The following MOB3B variants were observed in gnomAD, a reference collection of about 807,000 sequenced individuals.
MOB3B encodes MOB kinase activator-like 2B.
In MOB3B, 7 loss-of-function variants were observed where a neutral mutation model predicts 18.7. The observed-to-expected ratio is 0.37, with a 90% CI of 0.21 to 0.70. The LOEUF (loss-of-function observed/expected upper bound fraction) is 0.70. MOB3B is among the 30% of genes least tolerant of loss of function. MOB3B has a pLI of 0.52. For missense variants in MOB3B, 253 were observed against 281.3 expected, an observed-to-expected ratio of 0.90 and a Z score of 0.72; for synonymous variants, 111 against 99.9, an observed-to-expected ratio of 1.11 and a Z score of -0.66.
At chr9:27,352,961 C>G (rs1269926711) in intron 3 of MOB3B, among the ~76,000 whole-genome samples, 1 of 152,184 alleles carries the variant, frequency 6.6e-6, no homozygotes, top group Non-Finnish European at 1.5e-5. Flanking sequence ...CATTTGACCA[C>G]AGAAGGAAGT....
intron 1 of MOB3B, among the ~76,000 whole-genome samples, chr9:27,480,921 T>A (rs963551172): frequency 6.6e-6 from 1 of 151,990 alleles, no homozygotes; most frequent in African/African-American, 2.4e-5. Context: ...TATAAAAGAA[T>A]AAAAGAAACG....
chr9:27,461,161 A>C (rs114480068), intron 1 of MOB3B, among the ~76,000 whole-genome samples: 1,711 of 152,336 alleles, frequency 0.011, 27 homozygotes, highest in African/African-American at 0.039. Flanking sequence ...TTATAGCTGG[A>C]ATAGTCCTTG....
intron 2 of MOB3B, among the ~76,000 whole-genome samples, chr9:27,364,311 A>G (rs1821314156): frequency 6.6e-6 from 1 of 152,206 alleles, no homozygotes; most frequent in Non-Finnish European, 1.5e-5. Context: ...ATGAGTACAT[A>G]AGACACGATA....
chr9:27,332,830 T>C (rs1820807749), intron 3 of MOB3B, among the ~76,000 whole-genome samples: 1 of 152,260 alleles, frequency 6.6e-6, no homozygotes, highest in Admixed American at 6.5e-5. Flanking sequence ...GTCTACGGTT[T>C]AAACTCAGGT....
chr9:27,417,900 T>C (rs1822179042), intron 2 of MOB3B, among the ~76,000 whole-genome samples: 1 of 151,788 alleles, frequency 6.6e-6, no homozygotes, highest in Non-Finnish European at 1.5e-5. Flanking sequence ...TAGTACAACT[T>C]GGTGTACACT....
intron 2 of MOB3B, among the ~76,000 whole-genome samples, chr9:27,410,075 GGTAA>G (rs1822041426): frequency 6.6e-6 from 1 of 152,068 alleles, no homozygotes; most frequent in South Asian, 2.1e-4. Context: ...TGGTGAAAAT[GGTAA>G]GTTTTATGTT....
intron 1 of MOB3B, among the ~76,000 whole-genome samples, chr9:27,511,948 T>C (rs1820152860): frequency 6.6e-6 from 1 of 152,204 alleles, no homozygotes; most frequent in Non-Finnish European, 1.5e-5. Flanking sequence ...TCCCTCGCAC[T>C]TAGCTGTGGC....
At chr9:27,447,778 T>C (rs1822716772) in intron 2 of MOB3B, among the ~76,000 whole-genome samples, 2 of 152,126 alleles carry the variant, frequency 1.3e-5, no homozygotes, top group African/African-American at 4.8e-5. Flanking sequence ...GTTCACAAGG[T>C]TGTGGTGGGG....
intron 1 of MOB3B, among the ~76,000 whole-genome samples, chr9:27,486,982 T>A (rs144863371): frequency 1.9e-4 from 29 of 151,902 alleles, no homozygotes; most frequent in African/African-American, 7.0e-4. Flanking sequence ...AATACAAAAA[T>A]TAGCTGGGTG....
chr9:27,366,612 G>A lies in MOB3B; in HGVS notation c.419-7376C>T, dbSNP rs922705680. Among the ~76,000 whole-genome samples, 8 of 152,212 alleles carry A rather than the reference G, an allele frequency of 5.3e-5. No individual in the cohort carries two copies. The South Asian group carries it at 6.2e-4, about 12-fold the overall frequency. ...GTCCAGGAGACTGGGGGGTGGGGAT[G>A]TGTGTTCTGAGCTGGCTGTTAATCA... On this transcript the variant is annotated intron_variant, in intron 2 of 3. Coordinates refer to ENST00000262244, the MANE Select transcript of MOB3B (RefSeq NM_024761.5).
chr9:27,360,130 C>A (rs557336575), intron 2 of MOB3B, among the ~76,000 whole-genome samples: 25 of 152,274 alleles, frequency 1.6e-4, no homozygotes, highest in African/African-American at 6.0e-4. Context: ...CCTCCTACAG[C>A]GCCTAGAACA....
At chr9:27,356,108 A>G (rs903051603) in intron 3 of MOB3B, among the ~76,000 whole-genome samples, 2 of 152,218 alleles carry the variant, frequency 1.3e-5, no homozygotes, top group African/African-American at 4.8e-5. Flanking sequence ...CATTCTTAAT[A>G]TCTATTTCTG....
intron 2 of MOB3B, among the ~76,000 whole-genome samples, chr9:27,438,063 G>A (rs540775665): frequency 6.6e-6 from 1 of 152,288 alleles, no homozygotes; most frequent in Admixed American, 6.5e-5. Context: ...ACACCACGAA[G>A]ACATTGTGGT....
intron 1 of MOB3B, among the ~76,000 whole-genome samples, chr9:27,512,572 A>T (rs1025920159): frequency 6.6e-6 from 1 of 152,184 alleles, no homozygotes; most frequent in African/African-American, 2.4e-5. Flanking sequence ...GTGACACAAG[A>T]AAGGCTAGCA....
rs1014581518 is a variant in MOB3B at position 27,367,066 on chromosome 9, A to G, written c.419-7830T>C. On this transcript the variant is annotated intron_variant, in intron 2 of 3. Coordinates refer to ENST00000262244, the MANE Select transcript of MOB3B (RefSeq NM_024761.5). ...CAGGGACGGTGTCCAGCCTCCTCAC[A>G]AGTGTCTCCTTAGTGACGTCTCCTT... Among the ~76,000 whole-genome samples, 63 of 152,178 alleles carry G rather than the reference A, an allele frequency of 4.1e-4. 1 individual carries two copies. Among genetic ancestry groups the G allele is most frequent in the African/African-American group, 1.5e-3 (63 of 41,446 alleles).
intron 1 of MOB3B, 79 bp from the exon 2 acceptor site, chr9:27,455,827 C>A (rs1667052707): frequency 7.6e-7 from 1 of 1,321,212 alleles, no homozygotes; most frequent in Non-Finnish European, 9.7e-7. Context: ...CTGATTTCCA[C>A]CTTGTGTTCT....
At chr9:27,367,920 C>T (rs1048771318) in intron 2 of MOB3B, among the ~76,000 whole-genome samples, 2 of 152,212 alleles carry the variant, frequency 1.3e-5, no homozygotes, top group African/African-American at 4.8e-5. Flanking sequence ...TCAACAACAA[C>T]CAGAAGTGCC....
intron 2 of MOB3B, among the ~76,000 whole-genome samples, chr9:27,387,703 T>C (rs1050539737): frequency 5.3e-5 from 8 of 152,180 alleles, no homozygotes; most frequent in African/African-American, 1.4e-4. Context: ...GCCAGAGATA[T>C]CCTCTTTAGA....
At chr9:27,505,786 C>T (rs1820049376) in intron 1 of MOB3B, among the ~76,000 whole-genome samples, 1 of 152,206 alleles carries the variant, frequency 6.6e-6, no homozygotes, top group African/African-American at 2.4e-5. Context: ...TATTGACTCA[C>T]ACGTGCAAAG....
Sources: gnomAD v4.1 joint callset for allele counts (sites outside exome capture counted in the v4.1 genomes callset) on GRCh38, gnomAD v4.1.1 for gene constraint, MANE v1.5 for transcripts, NCBI Gene and HGNC (gene_info 2026-07-23, HGNC 2026-07-21) for gene names.